SOX6: variants seen among roughly 807,000 people sequenced by gnomAD.
The protein encoded by SOX6 is transcription factor SOX-6.
SOX6 carries 11 observed loss-of-function variants against 97.8 expected under a neutral mutation model. The ratio of observed to expected loss-of-function variants is 0.11; its 90% confidence interval spans 0.07 to 0.19. SOX6 has a LOEUF of 0.19. Ranked by LOEUF, SOX6 falls within the 10% of genes least tolerant of loss-of-function variation. The probability of loss-of-function intolerance (pLI) is 1.00; values close to 1 mark genes in which losing one functional copy is unlikely to be tolerated. For missense variants in SOX6, 810 were observed against 1,039.5 expected (o/e 0.78, Z 3.04); for synonymous variants, 360 against 371.4 (o/e 0.97, Z 0.35).
chr11:16,042,875 G>A (rs1855710312), intron 12 of SOX6, among the ~76,000 whole-genome samples: 1 of 152,136 alleles, frequency 6.6e-6, no homozygotes, highest in African/African-American at 2.4e-5. Context: ...GTGTACAGAT[G>A]TGCAATCTGA....
intron 3 of SOX6, among the ~76,000 whole-genome samples, chr11:16,294,950 A>G (rs1855028498): frequency 6.6e-6 from 1 of 152,044 alleles, no homozygotes; most frequent in Non-Finnish European, 1.5e-5. Context: ...GTACCTAGTG[A>G]AAGAGCCATT....
At chr11:16,272,917 A>G (rs1854299217) in intron 3 of SOX6, among the ~76,000 whole-genome samples, 1 of 151,866 alleles carries the variant, frequency 6.6e-6, no homozygotes, top group Non-Finnish European at 1.5e-5. Context: ...GCCTTGAGAT[A>G]TATGTATTTT....
At chr11:16,082,218 A>C (rs1220337835) in intron 9 of SOX6, among the ~76,000 whole-genome samples, 1 of 152,138 alleles carries the variant, frequency 6.6e-6, no homozygotes, top group African/African-American at 2.4e-5. Context: ...AATGTGAAAA[A>C]GGGACACAGC....
rs1848325666 is a variant in SOX6 at position 16,605,636 on chromosome 11, T to C, written n.609+6445A>G. Reference sequence around the variant, plus strand: ...TTCATGAACTCCTCCGAGTAAACTTTATCCCGGCGAGAGAGCGGCGGAGAT... The same window carrying C: ...TTCATGAACTCCTCCGAGTAAACTTCATCCCGGCGAGAGAGCGGCGGAGAT... On this transcript the variant is annotated intron_variant and non_coding_transcript_variant, in intron 4 of 5. Coordinates refer to the SOX6 transcript ENST00000524520. The surrounding 1 kb of genome is among the most constrained non-coding windows in gnomAD (Gnocchi z 5.3). 6.6e-6 allele frequency among the ~76,000 whole-genome samples: 1 copy of C among 151,892 alleles called. No homozygotes were observed. The highest frequency in any genetic ancestry group is 2.4e-5 in the African/African-American group (1 of 41,346).
chr11:16,719,381 T>C (rs16933361), intron 2 of SOX6, among the ~76,000 whole-genome samples: 1 of 152,190 alleles, frequency 6.6e-6, no homozygotes, highest in Non-Finnish European at 1.5e-5. Context: ...TCAAAGATGA[T>C]CAAAAGTACA....
At position 16,510,958 on chromosome 11, in the gene SOX6, T is replaced by C. The variant is rs530848365; in HGVS notation, n.610-34570A>G. Among the ~76,000 whole-genome samples, 9 of 152,228 alleles carry C rather than the reference T, an allele frequency of 5.9e-5. No individual in the cohort carries two copies. The South Asian group carries it at 1.9e-3, about 32-fold the overall frequency. On this transcript the variant is annotated intron_variant and non_coding_transcript_variant, in intron 4 of 5. Transcript: ENST00000524520. ...AATAAAACCCCCAACATTTTTTATC[T>C]CAATAACCTGATCTTGTTGAATAAA...
intron 3 of SOX6, among the ~76,000 whole-genome samples, chr11:16,692,908 C>T (rs1848026938): frequency 6.6e-6 from 1 of 152,184 alleles, no homozygotes; most frequent in African/African-American, 2.4e-5. Flanking sequence ...ATGCATTACA[C>T]TGAATCATAT....
intron 2 of SOX6, among the ~76,000 whole-genome samples, chr11:16,335,790 C>CCA (rs564824929): frequency 8.6e-4 from 131 of 152,098 alleles, no homozygotes; most frequent in Non-Finnish European, 1.8e-3. Flanking sequence ...ACAAAACACT[C>CCA]CAGAGTTGAT....
At chr11:16,041,376 T>A (rs1855658281) in intron 12 of SOX6, among the ~76,000 whole-genome samples, 1 of 152,120 alleles carries the variant, frequency 6.6e-6, no homozygotes, top group Non-Finnish European at 1.5e-5. Flanking sequence ...AGATGTCCAG[T>A]ATGTTTTTCT....
chr11:16,054,730 C>T (rs749424037), intron 10 of SOX6, among the ~76,000 whole-genome samples: 2 of 152,180 alleles, frequency 1.3e-5, no homozygotes, highest in African/African-American at 4.8e-5. Context: ...AAATGCAGTA[C>T]TTTAATCACA....
intron 3 of SOX6, among the ~76,000 whole-genome samples, chr11:16,295,261 T>A (rs1855040875): frequency 6.6e-6 from 1 of 152,228 alleles, no homozygotes; most frequent in South Asian, 2.1e-4. Flanking sequence ...TTTGATAAAT[T>A]GTGCATTTTT....
chr11:16,608,740 TA>T (rs1565192171), intron 4 of SOX6, among the ~76,000 whole-genome samples: 1 of 152,174 alleles, frequency 6.6e-6, no homozygotes, highest in Non-Finnish European at 1.5e-5. Flanking sequence ...ACCAAAAAAT[TA>T]TTACACTTTC....
intron 12 of SOX6, among the ~76,000 whole-genome samples, chr11:16,015,632 C>G (rs1590131404): frequency 6.6e-6 from 1 of 152,042 alleles, no homozygotes; most frequent in East Asian, 1.9e-4. Context: ...AGCCATGGAG[C>G]CAGGAAAGTT....
chr11:16,676,996 C>A (rs1325419450), intron 3 of SOX6, among the ~76,000 whole-genome samples: 1 of 152,050 alleles, frequency 6.6e-6, no homozygotes, highest in Non-Finnish European at 1.5e-5. Flanking sequence ...CTTTCCCCAG[C>A]CTTTCTTCCT....
At chr11:16,066,024 G>T (rs909723256) in intron 9 of SOX6, among the ~76,000 whole-genome samples, 27 of 152,078 alleles carry the variant, frequency 1.8e-4, no homozygotes, top group Admixed American at 1.8e-3. Context: ...TCTGACAGGG[G>T]ATTTATAACT....
Position 16,398,312 on chromosome 11 carries a change from A to G in SOX6, c.-4-57060T>C, listed in dbSNP as rs144652462. 6.5e-4 allele frequency among the ~76,000 whole-genome samples: 99 copies of G among 151,622 alleles called. No homozygotes were observed. In the East Asian group the frequency reaches 7.0e-3, roughly 11 times the overall value. On this transcript the variant is annotated intron_variant, in intron 1 of 15. Coordinates refer to the SOX6 transcript ENST00000396356. ...TTTTGTCTTCATTCCAATAGCTAAG[A>G]TTCCACCTTGTTTTTCTGTAGCTGA...
chr11:16,331,227 T>C lies in SOX6; in HGVS notation c.237+9785A>G, dbSNP rs540467712. ...AATAAGCAAAGTAACTAGTGTGTTT[T>C]ACATGAAAAGAAATAACTCATGGTA... is the stretch of plus-strand genomic sequence containing the variant. On this transcript the variant is annotated intron_variant, in intron 2 of 15. Coordinates refer to ENST00000683767, the MANE Select transcript of SOX6 (RefSeq NM_001367873.1). Among the ~76,000 whole-genome samples, 245 of 152,340 alleles carry C rather than the reference T, an allele frequency of 1.6e-3. 2 individuals are homozygous for C. The highest frequency in any genetic ancestry group is 5.8e-3 in the African/African-American group (241 of 41,578).
At chr11:16,688,473 G>T (rs557965575) in intron 3 of SOX6, among the ~76,000 whole-genome samples, 1 of 151,916 alleles carries the variant, frequency 6.6e-6, no homozygotes, top group South Asian at 2.1e-4. Context: ...GTCATTTTTC[G>T]CTGTGTGTTT....
At chr11:16,202,711 A>G (rs1380210872) in intron 4 of SOX6, among the ~76,000 whole-genome samples, 3 of 152,182 alleles carry the variant, frequency 2.0e-5, no homozygotes, top group Non-Finnish European at 4.4e-5. Context: ...GCTTATACCT[A>G]GTCAGTTCTA....
Sources: allele counts gnomAD v4.1 joint callset (sites outside exome capture counted in the v4.1 genomes callset), GRCh38; gene constraint gnomAD v4.1.1; non-coding constraint Gnocchi (gnomAD v3.1); transcripts MANE v1.5; gene names NCBI Gene and HGNC (gene_info 2026-07-23, HGNC 2026-07-21).